Variants in GRIA4 observed in about 807,000 individuals in gnomAD.
GRIA4 encodes glutamate ionotropic receptor AMPA type subunit 4.
In GRIA4, 34 loss-of-function variants were observed where a neutral mutation model predicts 104.0. That is an observed-to-expected ratio of 0.33 (90% CI 0.25 to 0.44). The LOEUF (loss-of-function observed/expected upper bound fraction) is 0.44. GRIA4 is among the 20% of genes least tolerant of loss of function. GRIA4 has a pLI of 1.00. For missense variants in GRIA4, 750 were observed against 1,096.5 expected, an observed-to-expected ratio of 0.68 and a Z score of 4.46; for synonymous variants, 386 against 381.9, an observed-to-expected ratio of 1.01 and a Z score of -0.13.
Position 105,727,886 on chromosome 11 carries a change from T to C in GRIA4, c.248-25095T>C, listed in dbSNP as rs1013818302. ...GAGCTCCTGAAGGAAGCACTAAATA[T>C]GGAAAGGAAAAACCAGTACCAGCCA... On this transcript the variant is annotated intron_variant, in intron 3 of 16. Transcript: ENST00000282499. Among the ~76,000 whole-genome samples, 9 of 151,748 alleles carry C rather than the reference T, an allele frequency of 5.9e-5. No homozygotes were observed. The South Asian group carries it at 1.7e-3, about 28-fold the overall frequency.
intron 3 of GRIA4, among the ~76,000 whole-genome samples, chr11:105,648,108 G>A (rs1591497950): frequency 1.3e-5 from 2 of 152,018 alleles, no homozygotes; most frequent in Admixed American, 1.3e-4. Flanking sequence ...TTACAAAAAT[G>A]TGTTTACAAA....
chr11:105,864,066 A>G (rs1226806180), intron 5 of GRIA4, among the ~76,000 whole-genome samples: 1 of 152,206 alleles, frequency 6.6e-6, no homozygotes, highest in Non-Finnish European at 1.5e-5. Context: ...TGGTAATAAT[A>G]ATAATAATAG....
At position 105,979,923 on chromosome 11, in the gene GRIA4, C is replaced by A. The variant is rs2136301093; in HGVS notation, c.*184C>A. 1 of 490,930 alleles carries A rather than the reference C, an allele frequency of 2.0e-6. No individual in the cohort carries two copies. The highest frequency in any genetic ancestry group is 3.7e-6 in the Non-Finnish European group (1 of 273,596). The allele number at this position is 490,930 out of a possible 1,614,324, so 30.4% of individuals were successfully genotyped here. On this transcript the variant is annotated 3_prime_UTR_variant, in exon 17 of 17. Coordinates refer to ENST00000282499, the MANE Select transcript of GRIA4 (RefSeq NM_000829.4). ...CGTGTGCATGAGCTCAGCTCGGAAACCCAAACTCAGATTTTATATCAGGAA... is the reference window on the plus strand; with the variant it reads ...CGTGTGCATGAGCTCAGCTCGGAAAACCAAACTCAGATTTTATATCAGGAA...
chr11:105,899,729 A>C (rs1406988893), intron 7 of GRIA4, among the ~76,000 whole-genome samples: 1 of 152,208 alleles, frequency 6.6e-6, no homozygotes, highest in East Asian at 1.9e-4. Flanking sequence ...ACTTTTTGTC[A>C]ACTATTCAGT....
At chr11:105,733,457 C>A (rs1201618005) in intron 3 of GRIA4, among the ~76,000 whole-genome samples, 1 of 151,728 alleles carries the variant, frequency 6.6e-6, no homozygotes, top group South Asian at 2.1e-4. Flanking sequence ...GACGTCTATT[C>A]TTTTCTTTTT....
chr11:105,826,211 A>C (rs1046082916), intron 4 of GRIA4, among the ~76,000 whole-genome samples: 1 of 151,934 alleles, frequency 6.6e-6, no homozygotes, highest in Non-Finnish European at 1.5e-5. Context: ...GGGGAGAGAG[A>C]GGTTGCAGGG....
At chr11:105,930,953 T>C (rs1367032398) in intron 13 of GRIA4, among the ~76,000 whole-genome samples, 1 of 152,172 alleles carries the variant, frequency 6.6e-6, no homozygotes, top group Non-Finnish European at 1.5e-5. Flanking sequence ...AGTAGTTATA[T>C]GTTTAAAGGA....
intron 5 of GRIA4, among the ~76,000 whole-genome samples, chr11:105,875,714 G>T (rs1945794149): frequency 6.6e-6 from 1 of 152,076 alleles, no homozygotes. Context: ...GGTGTTTATA[G>T]TATTCTCTGA....
chr11:105,833,439 T>C (rs1591321951), intron 4 of GRIA4, among the ~76,000 whole-genome samples: 3 of 152,104 alleles, frequency 2.0e-5, no homozygotes, highest in South Asian at 2.1e-4. Context: ...GATCTATAGA[T>C]GATATAGATA....
At chr11:105,841,334 G>T (rs939582808) in intron 4 of GRIA4, among the ~76,000 whole-genome samples, 2 of 151,870 alleles carry the variant, frequency 1.3e-5, no homozygotes, top group Non-Finnish European at 2.9e-5. Context: ...TTTGATATTT[G>T]ATGACAAAAT....
intron 6 of GRIA4, among the ~76,000 whole-genome samples, chr11:105,896,388 G>A (rs905664852): frequency 6.6e-6 from 1 of 152,094 alleles, no homozygotes. Context: ...TATTTACTCT[G>A]TTGATTGTTT....
At chr11:105,861,936 T>C (rs1945239016) in intron 4 of GRIA4, 88 bp from the exon 5 acceptor site, 5 of 760,366 alleles carry the variant, frequency 6.6e-6, no homozygotes, top group Non-Finnish European at 1.1e-5. Flanking sequence ...TTTTGGAACA[T>C]AACAGTGTTG....
intron 4 of GRIA4, among the ~76,000 whole-genome samples, chr11:105,819,199 C>T (rs547268831): frequency 1.3e-5 from 2 of 152,254 alleles, no homozygotes; most frequent in South Asian, 4.1e-4. Flanking sequence ...TGTGCATGCT[C>T]TGATTGAAAG....
chr11:105,632,653 G>A (rs1951064595), intron 3 of GRIA4, among the ~76,000 whole-genome samples: 1 of 152,186 alleles, frequency 6.6e-6, no homozygotes, highest in Non-Finnish European at 1.5e-5. Flanking sequence ...ACAGTGCTTA[G>A]GGGCCAAGCA....
chr11:105,912,126 T>G (rs1308289275), intron 10 of GRIA4: 2 of 1,073,934 alleles, frequency 1.9e-6, no homozygotes, highest in Non-Finnish European at 2.3e-6. Context: ...AAATAGATGT[T>G]GACAAAGAAT....
chr11:105,635,348 A>T (rs1951176360), intron 3 of GRIA4, among the ~76,000 whole-genome samples: 1 of 152,150 alleles, frequency 6.6e-6, no homozygotes, highest in Non-Finnish European at 1.5e-5. Context: ...GGAAGAAAAA[A>T]GTCAGGATTA....
intron 9 of GRIA4, among the ~76,000 whole-genome samples, chr11:105,906,284 C>A (rs972547723): frequency 6.6e-6 from 1 of 152,036 alleles, no homozygotes; most frequent in African/African-American, 2.4e-5. Context: ...TTATCCAAAG[C>A]CTGTAAGTGA....
At chr11:105,848,452 CTT>C (rs1367367781) in intron 4 of GRIA4, among the ~76,000 whole-genome samples, 2 of 152,164 alleles carry the variant, frequency 1.3e-5, no homozygotes, top group Non-Finnish European at 2.9e-5. Flanking sequence ...AGAACATACA[CTT>C]TTTCTGTCCC....
chr11:105,651,573 G>A (rs2135383663), intron 3 of GRIA4, among the ~76,000 whole-genome samples: 1 of 152,216 alleles, frequency 6.6e-6, no homozygotes, highest in South Asian at 2.1e-4. Context: ...AACTGTTGGA[G>A]TCCTTTCCTA....
Sources: gnomAD v4.1 joint callset for allele counts (sites outside exome capture counted in the v4.1 genomes callset) on GRCh38, gnomAD v4.1.1 for gene constraint, MANE v1.5 for transcripts, NCBI Gene and HGNC (gene_info 2026-07-23, HGNC 2026-07-21) for gene names.